TYR: variants seen among roughly 807,000 people sequenced by gnomAD.
TYR encodes the protein tyrosinase, also known as LB24-AB.
In TYR, 58 loss-of-function variants were observed where a neutral mutation model predicts 51.5. The observed-to-expected ratio is 1.13, with a 90% CI of 0.91 to 1.40. The LOEUF is 1.40. TYR is among the 40% of genes most tolerant of loss of function. TYR has a pLI of 0.00. For synonymous variants in TYR, 263 were observed against 235.2 expected (o/e 1.12, Z -1.08); for missense variants, 732 against 647.4 (o/e 1.13, Z -1.42).
intron 2 of TYR, among the ~76,000 whole-genome samples, chr11:89,220,895 T>C (rs985265688): frequency 6.6e-6 from 1 of 152,198 alleles, no homozygotes; most frequent in Non-Finnish European, 1.5e-5. Flanking sequence ...CAGTAATCTT[T>C]GTTGTAGAGA....
chr11:89,256,759 G>T (rs1590882201), intron 3 of TYR, among the ~76,000 whole-genome samples: 1 of 151,826 alleles, frequency 6.6e-6, no homozygotes, highest in Non-Finnish European at 1.5e-5. Context: ...CCTGAACTCA[G>T]ATTTCTGAAG....
At chr11:89,238,565 T>A (rs185646466) in intron 3 of TYR, among the ~76,000 whole-genome samples, 1 of 152,302 alleles carries the variant, frequency 6.6e-6, no homozygotes, top group East Asian at 1.9e-4. Context: ...CTTTCTAATT[T>A]GGATACATTT....
chr11:89,256,186 G>C (rs1336737971), intron 3 of TYR, among the ~76,000 whole-genome samples: 2 of 151,544 alleles, frequency 1.3e-5, no homozygotes, highest in East Asian at 3.9e-4. Context: ...TTTAAAATCG[G>C]GTATTTGTTT....
intron 3 of TYR, among the ~76,000 whole-genome samples, chr11:89,231,984 C>CAA (rs544640718): frequency 8.1e-5 from 4 of 49,358 alleles, no homozygotes; most frequent in African/African-American, 7.8e-5. Flanking sequence ...GATTCCATCT[C>CAA]AAAAAAAAAA....
At chr11:89,293,367 ACAC>A (rs1565426395) in intron 4 of TYR, among the ~76,000 whole-genome samples, 3 of 141,528 alleles carry the variant, frequency 2.1e-5, no homozygotes, top group Non-Finnish European at 4.7e-5. Context: ...ACACACACAC[ACAC>A]AACCCAGAAT....
chr11:89,206,611 C>T (rs1322669188), intron 2 of TYR, among the ~76,000 whole-genome samples: 2 of 152,140 alleles, frequency 1.3e-5, no homozygotes, highest in African/African-American at 4.8e-5. Flanking sequence ...AAGAACTTAA[C>T]ACCATCAGCC....
At chr11:89,187,359 G>T (rs1042382463) in intron 1 of TYR, among the ~76,000 whole-genome samples, 1 of 152,144 alleles carries the variant, frequency 6.6e-6, no homozygotes, top group African/African-American at 2.4e-5. Flanking sequence ...CAAAGGGGAT[G>T]TGATTATAGA....
In TYR at chr11:89,256,185, G is replaced by A. The variant is rs552450965; in HGVS notation, c.1184+28215G>A. 2.0e-5 allele frequency among the ~76,000 whole-genome samples: 3 copies of A among 151,676 alleles called. No homozygotes were observed. In the South Asian group the frequency reaches 6.2e-4, roughly 31 times the overall value. On this transcript the variant is annotated intron_variant, in intron 3 of 4. Coordinates refer to ENST00000263321, the MANE Select transcript of TYR (RefSeq NM_000372.5). The stretch of plus-strand genomic sequence containing the variant: ...TAATTTTAAACTTTAATTTAAAATC[G>A]GGTATTTGTTTGTTATTGAAAAACT...
chr11:89,243,792 G>T (rs1488722435), intron 3 of TYR, among the ~76,000 whole-genome samples: 2 of 151,960 alleles, frequency 1.3e-5, no homozygotes, highest in Non-Finnish European at 2.9e-5. Flanking sequence ...GTGAACTCTT[G>T]CATACAATGG....
intron 1 of TYR, among the ~76,000 whole-genome samples, chr11:89,183,300 C>T (rs995403936): frequency 6.6e-6 from 1 of 151,844 alleles, no homozygotes; most frequent in African/African-American, 2.4e-5. Context: ...AAATCACTTG[C>T]GTTGAAATAG....
rs775711602 is a variant in TYR, at chr11:89,227,901, G to A, written c.1115G>A (p.Gly372Glu). Residue 372 changes from glycine (G) to glutamate (E), a missense_variant, in exon 3 of 5, where the codon GGA becomes GAA. Physicochemically the swap from Gly to Glu is moderately conservative, Grantham distance 98. Transcript: ENST00000263321. Reference sequence around the variant, plus strand: ...AATGCCTTGCACATCTATATGAATGGAACAATGTCCCAGGTACAGGGATCT... The same window carrying A: ...AATGCCTTGCACATCTATATGAATGAAACAATGTCCCAGGTACAGGGATCT... ...MHNALHIYMN[G>E]TMSQVQGSAN... 2.5e-6 allele frequency: 4 copies of A among 1,613,394 alleles called. No homozygotes were observed. The African/African-American group carries it at 5.3e-5, about 22-fold the overall frequency.
Position 89,295,691 on chromosome 11 carries a change from T to A in TYR, c.*325T>A. On this transcript the variant is annotated 3_prime_UTR_variant, in exon 5 of 5. Transcript: ENST00000263321. ...TGAAATAATTTTGATTTTTGCCTTC[T>A]GATTATTTAAAGATCTATATATGTT... The A allele has an allele frequency of 3.2e-6, 1 of 314,288 alleles. No homozygotes were observed. Among genetic ancestry groups the A allele is most frequent in the Non-Finnish European group, 6.1e-6 (1 of 163,112 alleles). 19.5% of individuals were successfully genotyped at this position (314,288 alleles called of 1,614,324 possible). A position where few individuals can be genotyped will look rare whatever the true frequency, so the allele number is the denominator to read the frequency against.
At chr11:89,180,465 T>C (rs1307145895) in intron 1 of TYR, among the ~76,000 whole-genome samples, 1 of 152,090 alleles carries the variant, frequency 6.6e-6, no homozygotes, top group East Asian at 1.9e-4. Flanking sequence ...ACTGTATGAG[T>C]ATTATTTTCC....
At chr11:89,249,328 A>G (rs1944304529) in intron 3 of TYR, among the ~76,000 whole-genome samples, 1 of 152,028 alleles carries the variant, frequency 6.6e-6, no homozygotes, top group South Asian at 2.1e-4. Flanking sequence ...ATAAACACAG[A>G]AGAAAAGGAA....
chr11:89,273,622 C>A (rs1372834077), intron 3 of TYR, among the ~76,000 whole-genome samples: 3 of 151,878 alleles, frequency 2.0e-5, no homozygotes, highest in Non-Finnish European at 4.4e-5. Flanking sequence ...CACTGACAGA[C>A]TTCTGCAATT....
intron 4 of TYR, among the ~76,000 whole-genome samples, chr11:89,293,370 C>CAA (rs1555100628): frequency 1.5e-5 from 2 of 135,918 alleles, no homozygotes; most frequent in Non-Finnish European, 3.3e-5. Flanking sequence ...CACACACACA[C>CAA]AACCCAGAAT....
At chr11:89,221,913 T>C (rs1372549876) in intron 2 of TYR, among the ~76,000 whole-genome samples, 10 of 152,234 alleles carry the variant, frequency 6.6e-5, no homozygotes, top group Non-Finnish European at 1.3e-4. Context: ...TTAGCAGGTA[T>C]GATTAAAGTG....
chr11:89,241,909 G>A (rs955261012), intron 3 of TYR, among the ~76,000 whole-genome samples: 2 of 150,222 alleles, frequency 1.3e-5, no homozygotes, highest in African/African-American at 4.9e-5. Context: ...TTTTATAGAT[G>A]AGAAGACTGA....
At chr11:89,242,059 G>C (rs1265582717) in intron 3 of TYR, among the ~76,000 whole-genome samples, 1 of 152,012 alleles carries the variant, frequency 6.6e-6, no homozygotes, top group Non-Finnish European at 1.5e-5. Context: ...TTTTGGCATA[G>C]TGAAGAGCAT....
Sources: allele counts gnomAD v4.1 joint callset (sites outside exome capture counted in the v4.1 genomes callset), GRCh38; gene constraint gnomAD v4.1.1; transcripts MANE v1.5; gene names NCBI Gene and HGNC (gene_info 2026-07-23, HGNC 2026-07-21).